The following MYO1B variants were observed in gnomAD, a reference collection of about 807,000 sequenced individuals.
MYO1B encodes the protein unconventional myosin-Ib.
Under a neutral mutation model 159.7 loss-of-function variants are expected in MYO1B, and 72 were observed. The observed-to-expected ratio is 0.45, with a 90% CI of 0.37 to 0.55. The LOEUF is 0.55. Ranked by LOEUF, MYO1B falls within the 20% of genes least tolerant of loss-of-function variation. The pLI, the probability that MYO1B is intolerant of heterozygous loss-of-function variation, is 0.00. For missense variants in MYO1B, 1,062 were observed against 1,364.8 expected (o/e 0.78, Z 3.50); for synonymous variants, 468 against 473.8 (o/e 0.99, Z 0.16).
At chr2:191,311,407 G>A (rs985146019) in intron 3 of MYO1B, among the ~76,000 whole-genome samples, 1 of 152,148 alleles carries the variant, frequency 6.6e-6, no homozygotes, top group Non-Finnish European at 1.5e-5. Context: ...GCTTAAGACC[G>A]GAGGGTTTCA....
intron 3 of MYO1B, among the ~76,000 whole-genome samples, chr2:191,296,940 GA>G (rs1689017638): frequency 6.6e-6 from 1 of 152,198 alleles, no homozygotes; most frequent in African/African-American, 2.4e-5. Context: ...ATCCGTGGTA[GA>G]ACCGGGTTAT....
Position 191,363,875 on chromosome 2 carries a change from G to T in MYO1B, c.913G>T (p.Glu305Ter). 4 of 1,613,460 alleles carry T rather than the reference G, an allele frequency of 2.5e-6. No homozygotes were observed. The highest frequency in any genetic ancestry group is 3.4e-6 in the Non-Finnish European group (4 of 1,179,780). Residue 305 changes from glutamate to a stop codon, truncating the protein, a stop_gained and splice_region_variant, in exon 10 of 31, where the codon GAG (glutamate) becomes TAG (stop). Coordinates refer to ENST00000392318, the MANE Select transcript of MYO1B (RefSeq NM_001130158.3). LOFTEE classifies it high-confidence loss of function. Reference sequence around the variant, plus strand: ...TGAAAGCAAAATCAAAGATAAAAATGGTACATCCGTGGAGAATCAACTTTG... The same window carrying T: ...TGAAAGCAAAATCAAAGATAAAAATTGTACATCCGTGGAGAATCAACTTTG... ...LDESKIKDKN[E>*]LKEICELTGI...
intron 14 of MYO1B, among the ~76,000 whole-genome samples, chr2:191,382,249 A>C (rs1236868449): frequency 1.3e-5 from 2 of 151,948 alleles, no homozygotes; most frequent in South Asian, 2.1e-4. Flanking sequence ...TAATGATATT[A>C]CCTGTTTTCC....
chr2:191,273,860 G>A (rs1470938986), intron 1 of MYO1B, among the ~76,000 whole-genome samples: 1 of 152,234 alleles, frequency 6.6e-6, no homozygotes, highest in Non-Finnish European at 1.5e-5. Context: ...GAGTTAGCAA[G>A]TGATTCTGAA....
chr2:191,254,489 C>T (rs1686315659), intron 1 of MYO1B, among the ~76,000 whole-genome samples: 3 of 151,204 alleles, frequency 2.0e-5, no homozygotes, highest in South Asian at 2.1e-4. Context: ...GGATTACAGG[C>T]GTGAGCCACC....
At chr2:191,311,999 AT>A (rs1690029800) in intron 3 of MYO1B, among the ~76,000 whole-genome samples, 1 of 152,210 alleles carries the variant, frequency 6.6e-6, no homozygotes, top group East Asian at 1.9e-4. Context: ...TCTATGATTG[AT>A]TGTTAATGTC....
Position 191,360,707 on chromosome 2 carries a change from T to A in MYO1B, c.639T>A (p.Ser213=). 6.2e-7 allele frequency: 1 copy of A among 1,611,864 alleles called. No homozygotes were observed. The highest frequency in any genetic ancestry group is 8.5e-7 in the Non-Finnish European group (1 of 1,178,230). Residue 213 remains serine, a synonymous_variant, in exon 8 of 31, where the codon TCT becomes TCA. Coordinates refer to ENST00000392318, the MANE Select transcript of MYO1B (RefSeq NM_001130158.3). The part of the protein sequence containing the change: ...RNFHVFYQLL[S]GASEELLNKL... ...TCCATGTGTTCTATCAGCTGCTCTC[T>A]GGTGCCTCTGAAGAGCTCCTCAGTA...
Position 191,370,274 on chromosome 2 carries a change from T to C in MYO1B, c.1167T>C (p.Tyr389=), listed in dbSNP as rs766269148. The stretch of plus-strand genomic sequence containing the variant: ...AGGTCATGGGTGTTCTGGACATTTA[T>C]GGCTTTGAGATTTTCGAGGTAAGAT... ...RKKVMGVLDI[Y]GFEIFEDNSF... Residue 389 remains tyrosine, a synonymous_variant, in exon 13 of 31, where the codon TAT becomes TAC. Coordinates refer to ENST00000392318, the MANE Select transcript of MYO1B (RefSeq NM_001130158.3). 6.2e-6 allele frequency: 10 copies of C among 1,613,412 alleles called. No homozygotes were observed. In the Admixed American group the frequency reaches 1.0e-4, roughly 16 times the overall value.
At chr2:191,388,735 G>A (rs1271406285) in intron 17 of MYO1B, among the ~76,000 whole-genome samples, 1 of 150,974 alleles carries the variant, frequency 6.6e-6, no homozygotes, top group African/African-American at 2.4e-5. Context: ...CTATTTTATT[G>A]AGGTATCATT....
At chr2:191,251,934 T>C (rs1686149997) in intron 1 of MYO1B, among the ~76,000 whole-genome samples, 1 of 152,224 alleles carries the variant, frequency 6.6e-6, no homozygotes, top group East Asian at 1.9e-4. Context: ...TCTCCATCAT[T>C]GCTGCTTTGC....
chr2:191,367,795 G>A (rs1438908241), intron 11 of MYO1B, among the ~76,000 whole-genome samples: 1 of 152,208 alleles, frequency 6.6e-6, no homozygotes, highest in African/African-American at 2.4e-5. Flanking sequence ...ATAGCCTCAT[G>A]AGGTAGTAGT....
intron 3 of MYO1B, among the ~76,000 whole-genome samples, chr2:191,300,961 C>T: frequency 6.6e-6 from 1 of 151,816 alleles, no homozygotes; most frequent in African/African-American, 2.4e-5. Flanking sequence ...GGTTTCCTAC[C>T]TATTTTCCTT....
chr2:191,410,573 C>G (rs1235089995), intron 26 of MYO1B, among the ~76,000 whole-genome samples: 1 of 152,166 alleles, frequency 6.6e-6, no homozygotes, highest in East Asian at 1.9e-4. Context: ...TAGTGGATTA[C>G]TACCAGCGTT....
intron 6 of MYO1B, among the ~76,000 whole-genome samples, chr2:191,349,898 T>C (rs1287124349): frequency 6.6e-6 from 1 of 152,214 alleles, no homozygotes; most frequent in African/African-American, 2.4e-5. Flanking sequence ...AAAAATAATC[T>C]TAAATGGAAA....
intron 3 of MYO1B, among the ~76,000 whole-genome samples, chr2:191,318,841 GT>G (rs1189743568): frequency 1.3e-5 from 2 of 152,188 alleles, no homozygotes; most frequent in African/African-American, 4.8e-5. Context: ...TGCAAGAGTT[GT>G]TTGAAACCCT....
chr2:191,314,405 T>G (rs1175246849), intron 3 of MYO1B, among the ~76,000 whole-genome samples: 3 of 152,252 alleles, frequency 2.0e-5, no homozygotes, highest in Non-Finnish European at 4.4e-5. Flanking sequence ...TGAAGATGTT[T>G]TAGTGCATTG....
intron 4 of MYO1B, among the ~76,000 whole-genome samples, chr2:191,331,079 C>T (rs959693697): frequency 1.3e-5 from 2 of 152,134 alleles, no homozygotes; most frequent in African/African-American, 2.4e-5. Context: ...TTGCCTTAGG[C>T]GTAACTCCTC....
intron 1 of MYO1B, among the ~76,000 whole-genome samples, chr2:191,251,892 C>T (rs541457747): frequency 6.6e-6 from 1 of 152,190 alleles, no homozygotes; most frequent in African/African-American, 2.4e-5. Flanking sequence ...TCCTGCTGGT[C>T]CCACTTAACA....
In MYO1B at chr2:191,294,564, C is replaced by G. The variant is rs969125063; in HGVS notation, c.136-1547C>G. Among the ~76,000 whole-genome samples the G allele has an allele frequency of 3.9e-5, 6 of 152,156 alleles. No homozygotes were observed. In the South Asian group the frequency reaches 1.0e-3, roughly 26 times the overall value. ...TGACATTGTCCTTGGGAGACATCTC[C>G]CATCTCCTAGGTGGGTTGCAGTGTG... On this transcript the variant is annotated intron_variant, in intron 2 of 30. Transcript: ENST00000392318.
Sources: allele counts gnomAD v4.1 joint callset (sites outside exome capture counted in the v4.1 genomes callset), GRCh38; gene constraint gnomAD v4.1.1; transcripts MANE v1.5; gene names NCBI Gene and HGNC (gene_info 2026-07-23, HGNC 2026-07-21).